Variants in SHQ1 observed in about 807,000 individuals in gnomAD.
The protein encoded by SHQ1 is SHQ1, H/ACA ribonucleoprotein assembly factor.
A neutral mutation model predicts 53.8 loss-of-function variants in SHQ1; 49 were observed. That is an observed-to-expected ratio of 0.91 (90% CI 0.72 to 1.16). The LOEUF (loss-of-function observed/expected upper bound fraction) is 1.16, where lower values mean the gene tolerates loss of function less well. Among genes scored for constraint, SHQ1 ranks in the 50% most tolerant of loss-of-function variants. SHQ1 has a pLI of 0.00. For synonymous variants in SHQ1, 243 were observed against 251.0 expected (o/e 0.97, Z 0.30); for missense variants, 738 against 683.1 (o/e 1.08, Z -0.90).
chr3:72,838,790 C>T (rs1171595510), intron 4 of SHQ1, among the ~76,000 whole-genome samples: 1 of 152,130 alleles, frequency 6.6e-6, no homozygotes, highest in Non-Finnish European at 1.5e-5. Context: ...TGCACCCAGC[C>T]ACAGTGGTTT....
At chr3:72,726,817 C>T in the SHQ1 span, among the ~76,000 whole-genome samples, 8 of 152,146 alleles carry the variant, frequency 5.3e-5, no homozygotes, top group Admixed American at 2.6e-4. Flanking sequence ...GCGTCGGCCC[C>T]CTGAGAGCAT....
At chr3:72,811,838 A>G (rs1410371038) in intron 9 of SHQ1, among the ~76,000 whole-genome samples, 1 of 152,176 alleles carries the variant, frequency 6.6e-6, no homozygotes, top group Non-Finnish European at 1.5e-5. Flanking sequence ...TGAAGTCTGA[A>G]AACCAAGCTC....
chr3:72,733,589 T>A, the SHQ1 span, among the ~76,000 whole-genome samples: 35,633 of 151,230 alleles, frequency 0.24, 4,841 homozygotes, highest in Non-Finnish European at 0.26. Context: ...TGTCTCACTT[T>A]ATTCCCTCCC....
At chr3:72,768,902 C>T (rs919923996) in intron 10 of SHQ1, among the ~76,000 whole-genome samples, 28 of 152,318 alleles carry the variant, frequency 1.8e-4, no homozygotes, top group African/African-American at 6.7e-4. Context: ...CACTATAATA[C>T]GGTCACTGCT....
At chr3:72,753,114 C>T in intron 10 of SHQ1, 1 of 985,398 alleles carries the variant, frequency 1.0e-6, no homozygotes, top group Non-Finnish European at 1.2e-6. Context: ...CCAAAGATGA[C>T]TACTATTCTT....
At chr3:72,738,299 A>G in the SHQ1 span, among the ~76,000 whole-genome samples, 1 of 152,146 alleles carries the variant, frequency 6.6e-6, no homozygotes, top group African/African-American at 2.4e-5. Flanking sequence ...GAGGCAAGGT[A>G]GAAGAAAGCC....
intron 10 of SHQ1, among the ~76,000 whole-genome samples, chr3:72,767,949 T>C (rs1403707218): frequency 6.6e-6 from 1 of 152,160 alleles, no homozygotes; most frequent in Non-Finnish European, 1.5e-5. Flanking sequence ...GAGATATAAG[T>C]GCTTTGCTCC....
At chr3:72,763,806 C>G (rs569495163) in intron 10 of SHQ1, among the ~76,000 whole-genome samples, 9 of 152,224 alleles carry the variant, frequency 5.9e-5, no homozygotes, top group Admixed American at 5.9e-4. Context: ...ACAGGAGGAA[C>G]CAACCCAAAT....
chr3:72,743,712 C>T, the SHQ1 span, among the ~76,000 whole-genome samples: 3 of 152,288 alleles, frequency 2.0e-5, no homozygotes, highest in Non-Finnish European at 1.5e-5. Context: ...CAACAAGTGT[C>T]GTCTGAAGGT....
At chr3:72,729,780 T>G in the SHQ1 span, among the ~76,000 whole-genome samples, 5 of 152,136 alleles carry the variant, frequency 3.3e-5, no homozygotes, top group Non-Finnish European at 7.4e-5. Flanking sequence ...TTCCACAAAT[T>G]ATTTTTTTAT....
At chr3:72,825,807 G>A (rs1340351458) in intron 5 of SHQ1, among the ~76,000 whole-genome samples, 2 of 152,124 alleles carry the variant, frequency 1.3e-5, no homozygotes, top group African/African-American at 4.8e-5. Context: ...TCTTATATCA[G>A]TTTCTAACTG....
At chr3:72,747,229 G>A (rs1408262728), downstream of SHQ1, among the ~76,000 whole-genome samples, 3 of 152,118 alleles carry the variant, frequency 2.0e-5, no homozygotes, top group Non-Finnish European at 2.9e-5. Context: ...TTGAGAATAC[G>A]GACACTGATG....
At chr3:72,751,670 T>C (rs1023132030) in intron 10 of SHQ1, among the ~76,000 whole-genome samples, 1 of 151,694 alleles carries the variant, frequency 6.6e-6, no homozygotes, top group African/African-American at 2.4e-5. Flanking sequence ...TTAAATATAT[T>C]AGATGTTCAA....
chr3:72,822,162 C>T (rs1707496782), intron 6 of SHQ1, among the ~76,000 whole-genome samples: 1 of 152,154 alleles, frequency 6.6e-6, no homozygotes, highest in Non-Finnish European at 1.5e-5. Flanking sequence ...GAAGTCCAAC[C>T]CCAAGCCTAC....
At chr3:72,735,889 A>G in the SHQ1 span, among the ~76,000 whole-genome samples, 16 of 145,502 alleles carry the variant, frequency 1.1e-4, no homozygotes, top group Non-Finnish European at 1.7e-4. Flanking sequence ...AAATGTGTCA[A>G]TCTCTCTCTC....
At chr3:72,797,560 T>C (rs1468682507) in intron 9 of SHQ1, among the ~76,000 whole-genome samples, 1 of 152,238 alleles carries the variant, frequency 6.6e-6, no homozygotes, top group East Asian at 1.9e-4. Context: ...TTAAATTATA[T>C]TTTTAAACAA....
Position 72,792,973 on chromosome 3 carries a change from G to T in SHQ1, c.1124C>A (p.Ala375Glu). Residue 375 changes from alanine to glutamate, a missense_variant, in exon 10 of 11, where the codon GCG becomes GAG. Coordinates refer to ENST00000325599, the MANE Select transcript of SHQ1 (RefSeq NM_018130.3). ...GATGTAGAGATCATTCAGTATGTAC[G>T]CTGGGTCATTTTCCTGAAAAATTTT... ...IHKIFQENDP[A>E]YILNDLYISD... is the part of the protein sequence containing the mutation. 2 of 1,611,430 alleles carry T rather than the reference G, an allele frequency of 1.2e-6. No individual in the cohort carries two copies. The highest frequency in any genetic ancestry group is 1.7e-6 in the Non-Finnish European group (2 of 1,178,872).
intron 6 of SHQ1, among the ~76,000 whole-genome samples, chr3:72,817,835 TTTAA>T (rs1204729807): frequency 6.6e-6 from 1 of 152,228 alleles, no homozygotes; most frequent in Non-Finnish European, 1.5e-5. Context: ...TTAAATTTAA[TTTAA>T]TTAGATTAAA....
chr3:72,768,455 A>C (rs527259147), intron 10 of SHQ1, among the ~76,000 whole-genome samples: 1 of 152,362 alleles, frequency 6.6e-6, no homozygotes, highest in South Asian at 2.1e-4. Flanking sequence ...CTAGGAAGAA[A>C]GATCATATCC....
Sources: allele counts gnomAD v4.1 joint callset (sites outside exome capture counted in the v4.1 genomes callset), GRCh38; gene constraint gnomAD v4.1.1; transcripts MANE v1.5; gene names NCBI Gene and HGNC (gene_info 2026-07-23, HGNC 2026-07-21).